SH3KBP1: variants seen among roughly 807,000 people sequenced by gnomAD.
SH3KBP1 encodes SH3 domain-containing kinase-binding protein 1.
In SH3KBP1, 8 loss-of-function variants were observed where a neutral mutation model predicts 50.1. That is an observed-to-expected ratio of 0.16 (90% CI 0.09 to 0.29). The LOEUF (loss-of-function observed/expected upper bound fraction) is 0.29, where lower values mean the gene tolerates loss of function less well. Among genes scored for constraint, SH3KBP1 ranks in the 10% least tolerant of loss-of-function variants. The pLI is 1.00. For synonymous variants in SH3KBP1, 227 were observed against 218.6 expected (o/e 1.04, Z -0.34); for missense variants, 377 against 535.2 (o/e 0.70, Z 2.92).
chrX:19,580,649 CTG>C (rs757951551), intron 12 of SH3KBP1, among the ~76,000 whole-genome samples: 1 of 111,844 alleles, frequency 8.9e-6, no homozygotes, highest in Non-Finnish European at 1.9e-5. Flanking sequence ...TGCCAGCAAT[CTG>C]TGTTTCAACA....
intron 6 of SH3KBP1, among the ~76,000 whole-genome samples, chrX:19,654,548 T>C (rs2062223480): frequency 8.9e-6 from 1 of 112,081 alleles, no homozygotes; most frequent in Non-Finnish European, 1.9e-5. Flanking sequence ...TGTAGGATCA[T>C]CTTATTCACA....
intron 2 of SH3KBP1, among the ~76,000 whole-genome samples, chrX:19,771,370 G>A (rs1485062721): frequency 9.0e-6 from 1 of 111,508 alleles, no homozygotes; most frequent in Non-Finnish European, 1.9e-5. Flanking sequence ...AGGATCCCTA[G>A]GAGGCCTCAA....
At chrX:19,708,463 G>A (rs1304602185) in intron 3 of SH3KBP1, among the ~76,000 whole-genome samples, 1 of 111,781 alleles carries the variant, frequency 8.9e-6, no homozygotes, top group East Asian at 2.8e-4. Context: ...AGCAGGCTGA[G>A]TAGTGCAACC....
chrX:19,549,963 G>A lies in SH3KBP1; in HGVS notation c.1494+11C>T. On this transcript the variant is annotated intron_variant, in intron 14 of 17. Coordinates refer to ENST00000397821, the MANE Select transcript of SH3KBP1 (RefSeq NM_031892.3). ...GAAGTAAGGGAACATACAGTTTGAG[G>A]AGACACTTACAGATGTGAGGGACTG... 8.9e-7 allele frequency: 1 copy of A among 1,125,356 alleles called. No individual in the cohort carries two copies. Among genetic ancestry groups the A allele is most frequent in the South Asian group, 1.8e-5 (1 of 54,421 alleles). The allele number at this position is 1,125,356 out of a possible 1,213,427, so 92.7% of individuals were successfully genotyped here. A position where few individuals can be genotyped will look rare whatever the true frequency, so the allele number is the denominator to read the frequency against.
At chrX:19,818,676 C>T (rs774784849) in intron 2 of SH3KBP1, among the ~76,000 whole-genome samples, 11 of 111,603 alleles carry the variant, frequency 9.9e-5, no homozygotes, top group Admixed American at 4.8e-4. Flanking sequence ...TCTGATTATG[C>T]GATTTGATTT....
chrX:19,880,943 G>T (rs1180385804), intron 1 of SH3KBP1, among the ~76,000 whole-genome samples: 1 of 111,843 alleles, frequency 8.9e-6, no homozygotes, highest in Non-Finnish European at 1.9e-5. Context: ...CAGAAAGAAC[G>T]CAACCCTGCT....
At chrX:19,643,307 A>ATTTTTTTTTTT (rs1216327847) in intron 7 of SH3KBP1, among the ~76,000 whole-genome samples, 1 of 74,583 alleles carries the variant, frequency 1.3e-5, no homozygotes, top group Non-Finnish European at 2.4e-5. Flanking sequence ...AGAATTTTTT[A>ATTTTTTTTTTT]TTTTTTTTTT....
At chrX:19,642,319 T>G (rs1291614029) in intron 7 of SH3KBP1, among the ~76,000 whole-genome samples, 8 of 111,794 alleles carry the variant, frequency 7.2e-5, no homozygotes, top group Non-Finnish European at 1.3e-4. Flanking sequence ...GGACCAATGA[T>G]CTAATGATAG....
intron 3 of SH3KBP1, among the ~76,000 whole-genome samples, chrX:19,722,564 GCAC>G (rs1459131678): frequency 4.3e-5 from 4 of 93,430 alleles, no homozygotes; most frequent in Admixed American, 2.5e-4. Context: ...GTGCGCGTGC[GCAC>G]TGGTGTGTGT....
chrX:19,643,887 A>G (rs1023120538), intron 7 of SH3KBP1, among the ~76,000 whole-genome samples: 1 of 111,981 alleles, frequency 8.9e-6, no homozygotes, highest in Non-Finnish European at 1.9e-5. Flanking sequence ...GAGGAAGGCC[A>G]AAGGAATAAA....
chrX:19,652,761 C>T (rs2062161283), intron 6 of SH3KBP1, among the ~76,000 whole-genome samples: 1 of 111,844 alleles, frequency 8.9e-6, no homozygotes. Flanking sequence ...AATGAGTAGT[C>T]TATGGAATAG....
chrX:19,540,702 C>T (rs1334675557), intron 16 of SH3KBP1, among the ~76,000 whole-genome samples: 1 of 111,657 alleles, frequency 9.0e-6, no homozygotes, highest in African/African-American at 3.3e-5. Context: ...GGCCAGTCAC[C>T]TGGGGATGTG....
chrX:19,665,357 T>C (rs886478074), intron 6 of SH3KBP1, among the ~76,000 whole-genome samples: 2 of 112,151 alleles, frequency 1.8e-5, no homozygotes, highest in African/African-American at 6.5e-5. Flanking sequence ...CCTATTTGAT[T>C]CCTAAGAGTT....
At position 19,631,846 on chromosome X, in the gene SH3KBP1, G is replaced by A. The variant is rs1281444563; in HGVS notation, c.897+18C>T. ...AAGCAGTTCGCGATTTAGAAGGTAG[G>A]AGACAACCTTTGTTTACCTTATTGA... On this transcript the variant is annotated intron_variant, in intron 8 of 17. Coordinates refer to ENST00000397821, the MANE Select transcript of SH3KBP1 (RefSeq NM_031892.3). 2 of 1,085,850 alleles carry A rather than the reference G, an allele frequency of 1.8e-6. No homozygotes were observed. Among genetic ancestry groups the A allele is most frequent in the Non-Finnish European group, 2.5e-6 (2 of 784,506 alleles). The allele number at this position is 1,085,850 out of a possible 1,213,427, so 89.5% of individuals were successfully genotyped here.
chrX:19,778,203 C>T (rs916933713), intron 2 of SH3KBP1, among the ~76,000 whole-genome samples: 1 of 110,627 alleles, frequency 9.0e-6, no homozygotes, highest in East Asian at 2.8e-4. Flanking sequence ...GAGGCCAAGG[C>T]GGGTGGATCA....
intron 8 of SH3KBP1, among the ~76,000 whole-genome samples, chrX:19,630,216 G>A (rs139201906): frequency 0.011 from 1,208 of 111,940 alleles, 19 homozygotes; most frequent in African/African-American, 0.038. Context: ...ACAGGCTAGT[G>A]AGTCCCCCGC....
chrX:19,649,227 T>C (rs968076282), intron 6 of SH3KBP1, among the ~76,000 whole-genome samples: 1 of 112,032 alleles, frequency 8.9e-6, no homozygotes, highest in African/African-American at 3.2e-5. Context: ...AGCCATGCAC[T>C]AAGGGGCTGT....
At chrX:19,788,293 A>G (rs2066422795) in intron 2 of SH3KBP1, among the ~76,000 whole-genome samples, 1 of 108,468 alleles carries the variant, frequency 9.2e-6, no homozygotes, top group South Asian at 3.9e-4. Flanking sequence ...AAACAAAAAA[A>G]AAAAACACAA....
chrX:19,659,389 A>G (rs990929908), intron 6 of SH3KBP1, among the ~76,000 whole-genome samples: 4 of 110,310 alleles, frequency 3.6e-5, no homozygotes, highest in African/African-American at 1.3e-4. Flanking sequence ...TGCTAGGATT[A>G]CAAGCATGAG....
Sources: allele counts gnomAD v4.1 joint callset (sites outside exome capture counted in the v4.1 genomes callset), GRCh38; gene constraint gnomAD v4.1.1; transcripts MANE v1.5; gene names NCBI Gene and HGNC (gene_info 2026-07-23, HGNC 2026-07-21).